XYLB: variants seen among roughly 807,000 people sequenced by gnomAD.
XYLB encodes the protein xylulokinase, also known as xylulose kinase.
XYLB carries 62 observed loss-of-function variants against 78.7 expected under a neutral mutation model. The ratio of observed to expected loss-of-function variants is 0.79; its 90% confidence interval spans 0.64 to 0.97. The LOEUF is 0.97. Among genes scored for constraint, XYLB ranks in the 50% least tolerant of loss-of-function variants. XYLB has a pLI of 0.00. For missense variants in XYLB, 687 were observed against 676.8 expected (o/e 1.02, Z -0.17); for synonymous variants, 245 against 247.4 (o/e 0.99, Z 0.09).
intron 17 of XYLB, among the ~76,000 whole-genome samples, chr3:38,398,924 C>T (rs1325859350): frequency 5.3e-5 from 8 of 151,186 alleles, no homozygotes; most frequent in African/African-American, 1.9e-4. Context: ...CCCAGCTACT[C>T]GGGAGGCTGA....
At chr3:38,438,784 C>G in the XYLB span, among the ~76,000 whole-genome samples, 1 of 152,258 alleles carries the variant, frequency 6.6e-6, no homozygotes, top group Non-Finnish European at 1.5e-5. Context: ...CTTATTTGTC[C>G]CTGCCCCTGT....
At chr3:38,429,615 G>T in the XYLB span, among the ~76,000 whole-genome samples, 1 of 152,112 alleles carries the variant, frequency 6.6e-6, no homozygotes. Context: ...CAACGTGCAG[G>T]TTTGTTACAT....
At chr3:38,442,720 A>ATTTTT in the XYLB span, among the ~76,000 whole-genome samples, 128 of 99,068 alleles carry the variant, frequency 1.3e-3, 1 homozygote, top group African/African-American at 2.2e-3. Context: ...GGACTGCTGC[A>ATTTTT]TTTTTTTTTT....
chr3:38,446,027 G>A, the XYLB span, among the ~76,000 whole-genome samples: 1 of 152,138 alleles, frequency 6.6e-6, no homozygotes, highest in African/African-American at 2.4e-5. Flanking sequence ...AGCTCTTAAA[G>A]GTGCCACGGA....
intron 15 of XYLB, among the ~76,000 whole-genome samples, chr3:38,382,545 C>T (rs1163482786): frequency 6.6e-6 from 1 of 152,164 alleles, no homozygotes; most frequent in Non-Finnish European, 1.5e-5. Context: ...CCACCATGAG[C>T]ATTCTGATTG....
At chr3:38,437,830 C>T in the XYLB span, among the ~76,000 whole-genome samples, 12 of 152,106 alleles carry the variant, frequency 7.9e-5, no homozygotes, top group South Asian at 1.0e-3. Flanking sequence ...CTAGCACTTT[C>T]GGAGGCTAAG....
chr3:38,419,018 A>G (rs1229355133), downstream of XYLB, among the ~76,000 whole-genome samples: 5 of 152,110 alleles, frequency 3.3e-5, no homozygotes, highest in Non-Finnish European at 5.9e-5. Context: ...ATCATTCTAG[A>G]CTGAAACTCT....
At chr3:38,373,023 A>T (rs1446298778) in intron 10 of XYLB, among the ~76,000 whole-genome samples, 2 of 152,252 alleles carry the variant, frequency 1.3e-5, no homozygotes, top group Admixed American at 6.5e-5. Flanking sequence ...AAACTGCCCA[A>T]TGATTATGGA....
the XYLB span, among the ~76,000 whole-genome samples, chr3:38,427,653 G>T: frequency 6.6e-6 from 1 of 151,952 alleles, no homozygotes; most frequent in Non-Finnish European, 1.5e-5. Flanking sequence ...GAGTGCAGTG[G>T]CATGGTCTTG....
chr3:38,389,548 C>T (rs1269316049), intron 15 of XYLB, among the ~76,000 whole-genome samples: 1 of 151,536 alleles, frequency 6.6e-6, no homozygotes, highest in Non-Finnish European at 1.5e-5. Context: ...CCACCTCCCT[C>T]CCAGACGGGG....
At chr3:38,406,084 C>G (rs896141649) in intron 18 of XYLB, among the ~76,000 whole-genome samples, 1 of 152,246 alleles carries the variant, frequency 6.6e-6, no homozygotes, top group African/African-American at 2.4e-5. Context: ...ACTGCCTCCT[C>G]AAGTGGGTCC....
In XYLB at chr3:38,346,921, A is replaced by G. The variant is rs1705091790; in HGVS notation, c.53A>G (p.Gln18Arg). 5 of 1,497,368 alleles carry G rather than the reference A, an allele frequency of 3.3e-6. No individual in the cohort carries two copies. Among genetic ancestry groups the G allele is most frequent in the Non-Finnish European group, 8.9e-7 (1 of 1,124,166 alleles). 92.8% of individuals were successfully genotyped at this position (1,497,368 alleles called of 1,614,324 possible). ...TGCCTGGGCTGGGACTTCAGCACGC[A>G]GCAGGTACAGTCGCCTGGCCGCAGG... ...RCCLGWDFST[Q>R]QVKVVAVDAE... is the part of the protein sequence containing the mutation. The change falls in exon 1 of 19, where the codon CAG (glutamine) becomes CGG (arginine). Residue 18 changes from glutamine to arginine, a missense_variant. By Grantham distance (43) the Gln-to-Arg change is conservative. Coordinates refer to ENST00000207870, the MANE Select transcript of XYLB (RefSeq NM_005108.4).
At chr3:38,369,322 C>T (rs1706422250) in intron 8 of XYLB, among the ~76,000 whole-genome samples, 1 of 152,168 alleles carries the variant, frequency 6.6e-6, no homozygotes, top group Non-Finnish European at 1.5e-5. Flanking sequence ...CCTGCATGTC[C>T]ACCCGTTCTG....
At chr3:38,403,084 C>T (rs1183604752) in intron 18 of XYLB, among the ~76,000 whole-genome samples, 2 of 151,972 alleles carry the variant, frequency 1.3e-5, no homozygotes. Flanking sequence ...ATTGCTTGAG[C>T]CCAGGAGTTC....
At chr3:38,448,677 G>A in the XYLB span, among the ~76,000 whole-genome samples, 1 of 152,200 alleles carries the variant, frequency 6.6e-6, no homozygotes, top group Admixed American at 6.5e-5. Flanking sequence ...CCTCTGGTGG[G>A]TAGTTAAATT....
At chr3:38,421,395 T>A (rs983514631), downstream of XYLB, 11 of 152,282 alleles carry the variant, frequency 7.2e-5, no homozygotes, top group African/African-American at 2.4e-4. Context: ...CTCAGAAGCA[T>A]CAGGGTAACA....
At chr3:38,423,778 A>G (rs1709047711), downstream of XYLB, among the ~76,000 whole-genome samples, 2 of 152,172 alleles carry the variant, frequency 1.3e-5, no homozygotes, top group African/African-American at 2.4e-5. Flanking sequence ...CCACTCAGGA[A>G]ATATTACTCC....
Position 38,375,131 on chromosome 3 carries a change from T to C in XYLB, c.889-13T>C. The C allele has an allele frequency of 6.2e-7, 1 of 1,611,338 alleles. No individual in the cohort carries two copies. Among genetic ancestry groups the C allele is most frequent in the Non-Finnish European group, 8.5e-7 (1 of 1,178,414 alleles). Reference sequence around the variant, plus strand: ...AAAGCCCAAGGTGCCCACCTCTGCCTATCTCTCCTCAGGTCAGCCTGGGCA... The same window carrying C: ...AAAGCCCAAGGTGCCCACCTCTGCCCATCTCTCCTCAGGTCAGCCTGGGCA... On this transcript the variant is annotated splice_polypyrimidine_tract_variant and intron_variant, in intron 11 of 18. Coordinates refer to ENST00000207870, the MANE Select transcript of XYLB (RefSeq NM_005108.4).
chr3:38,388,508 A>G (rs1299020264), intron 15 of XYLB, among the ~76,000 whole-genome samples: 1 of 152,128 alleles, frequency 6.6e-6, no homozygotes, highest in African/African-American at 2.4e-5. Context: ...TTTTATTGTC[A>G]ATTTAAATAA....
Sources: allele counts gnomAD v4.1 joint callset (sites outside exome capture counted in the v4.1 genomes callset), GRCh38; gene constraint gnomAD v4.1.1; transcripts MANE v1.5; gene names NCBI Gene and HGNC (gene_info 2026-07-23, HGNC 2026-07-21).